The following NCK2 variants were observed in gnomAD, a reference collection of about 807,000 sequenced individuals.
NCK2 encodes the protein cytoplasmic protein NCK2.
In NCK2, 16 loss-of-function variants were observed where a neutral mutation model predicts 33.9. That is an observed-to-expected ratio of 0.47 (90% CI 0.32 to 0.72). The LOEUF is 0.72. NCK2 is among the 30% of genes least tolerant of loss of function. The pLI is 0.03. For missense variants in NCK2, 418 were observed against 537.3 expected (o/e 0.78, Z 2.19); for synonymous variants, 273 against 239.9 (o/e 1.14, Z -1.27).
chr2:105,866,302 C>T (rs1430001552), intron 3 of NCK2, among the ~76,000 whole-genome samples: 5 of 152,168 alleles, frequency 3.3e-5, no homozygotes, highest in East Asian at 1.9e-4. Flanking sequence ...GAAGTAATCA[C>T]GGTTGACATT....
chr2:105,866,481 T>C (rs1043507576), intron 3 of NCK2, among the ~76,000 whole-genome samples: 4 of 152,182 alleles, frequency 2.6e-5, no homozygotes, highest in Admixed American at 1.3e-4. Flanking sequence ...TTTACATGGA[T>C]GGTGGCAGGA....
At chr2:105,876,613 T>C (rs1678244244) in intron 3 of NCK2, among the ~76,000 whole-genome samples, 1 of 152,216 alleles carries the variant, frequency 6.6e-6, no homozygotes, top group Admixed American at 6.5e-5. Flanking sequence ...GAAGTGGGTA[T>C]GAGGATTTGC....
chr2:105,882,135 G>T (rs937003407), intron 4 of NCK2, 86 bp downstream of exon 4: 2 of 1,348,892 alleles, frequency 1.5e-6, no homozygotes, highest in Non-Finnish European at 9.6e-7. Context: ...TTTTCACATT[G>T]TGTGAGTACA....
intron 1 of NCK2, among the ~76,000 whole-genome samples, chr2:105,767,550 A>C (rs1380194335): frequency 6.6e-6 from 1 of 152,198 alleles, no homozygotes; most frequent in Admixed American, 6.5e-5. Context: ...GTTTTATTAG[A>C]ACCCAGCTGG....
At chr2:105,852,756 C>T (rs1410387135) in intron 2 of NCK2, among the ~76,000 whole-genome samples, 2 of 152,056 alleles carry the variant, frequency 1.3e-5, no homozygotes, top group Admixed American at 6.5e-5. Flanking sequence ...GAAAATCTGC[C>T]TTTATGACTT....
At chr2:105,814,645 A>T (rs1675417163) in intron 1 of NCK2, among the ~76,000 whole-genome samples, 2 of 152,226 alleles carry the variant, frequency 1.3e-5, no homozygotes, top group Admixed American at 1.3e-4. Context: ...AAGCCCACTC[A>T]TCCGGAGTCC....
chr2:105,805,908 T>TA (rs201506024), intron 1 of NCK2, among the ~76,000 whole-genome samples: 1,676 of 152,292 alleles, frequency 0.011, 31 homozygotes, highest in African/African-American at 0.038. Flanking sequence ...TGCATAAACA[T>TA]AACGAGAGGT....
chr2:105,778,595 C>T (rs1479679875), intron 1 of NCK2, among the ~76,000 whole-genome samples: 2 of 152,238 alleles, frequency 1.3e-5, no homozygotes, highest in Non-Finnish European at 2.9e-5. Context: ...CTGGTGGCTG[C>T]GTGAACCAAA....
At chr2:105,787,116 C>G (rs1430349396) in intron 1 of NCK2, among the ~76,000 whole-genome samples, 1 of 152,268 alleles carries the variant, frequency 6.6e-6, no homozygotes, top group Non-Finnish European at 1.5e-5. Context: ...GCTGCTGTTA[C>G]TCCCACTGCC....
intron 1 of NCK2, among the ~76,000 whole-genome samples, chr2:105,745,425 C>T (rs1442842662): frequency 1.3e-5 from 2 of 151,942 alleles, no homozygotes; most frequent in East Asian, 3.9e-4. Context: ...AGGGCGCGGG[C>T]GAGGATCAGG....
At chr2:105,851,294 C>T (rs1242925040) in intron 2 of NCK2, among the ~76,000 whole-genome samples, 2 of 151,186 alleles carry the variant, frequency 1.3e-5, no homozygotes, top group African/African-American at 4.9e-5. Context: ...GACGGAGTCT[C>T]GCTCTGTCGC....
At chr2:105,824,633 G>A (rs970625884) in intron 2 of NCK2, among the ~76,000 whole-genome samples, 4 of 152,158 alleles carry the variant, frequency 2.6e-5, no homozygotes, top group Non-Finnish European at 2.9e-5. Flanking sequence ...TCTCGGCGGC[G>A]TGTGCTTAGA....
At chr2:105,856,347 AT>A (rs1308152105) in intron 3 of NCK2, among the ~76,000 whole-genome samples, 1 of 152,104 alleles carries the variant, frequency 6.6e-6, no homozygotes, top group African/African-American at 2.4e-5. Flanking sequence ...TTACCTTCTT[AT>A]GAGTATAATG....
At chr2:105,864,755 G>A (rs1451408211) in intron 3 of NCK2, among the ~76,000 whole-genome samples, 4 of 151,204 alleles carry the variant, frequency 2.6e-5, no homozygotes, top group Non-Finnish European at 5.9e-5. Context: ...TCTCTTCTTT[G>A]TCCCTTTCAC....
chr2:105,765,097 A>G (rs1034733707), intron 1 of NCK2, among the ~76,000 whole-genome samples: 4 of 151,482 alleles, frequency 2.6e-5, no homozygotes, highest in Admixed American at 6.6e-5. Context: ...ATGGCTCTTG[A>G]TGCATCTTGC....
At chr2:105,890,672 C>T (rs1175537972) in intron 4 of NCK2, among the ~76,000 whole-genome samples, 1 of 152,098 alleles carries the variant, frequency 6.6e-6, no homozygotes, top group Non-Finnish European at 1.5e-5. Flanking sequence ...TACAATTGTT[C>T]CTTTCATTCT....
intron 1 of NCK2, among the ~76,000 whole-genome samples, chr2:105,777,460 C>T (rs376276729): frequency 6.6e-5 from 10 of 152,196 alleles, no homozygotes; most frequent in African/African-American, 1.4e-4. Flanking sequence ...CCACCTGGCA[C>T]GGCGTGGGTG....
intron 1 of NCK2, among the ~76,000 whole-genome samples, chr2:105,771,238 A>T (rs561752721): frequency 6.6e-6 from 1 of 151,536 alleles, no homozygotes; most frequent in South Asian, 2.1e-4. Flanking sequence ...CACTATTTCT[A>T]TCCCCTTTTA....
At chr2:105,786,216 A>G (rs1397445657) in intron 1 of NCK2, among the ~76,000 whole-genome samples, 1 of 152,252 alleles carries the variant, frequency 6.6e-6, no homozygotes, top group Non-Finnish European at 1.5e-5. Context: ...GGATGAAAAA[A>G]TTATGTGTAC....
Sources: gnomAD v4.1 joint callset for allele counts (sites outside exome capture counted in the v4.1 genomes callset) on GRCh38, gnomAD v4.1.1 for gene constraint, MANE v1.5 for transcripts, NCBI Gene and HGNC (gene_info 2026-07-23, HGNC 2026-07-21) for gene names.